MAP2K1: variants seen among roughly 807,000 people sequenced by gnomAD.
The protein encoded by MAP2K1 is mitogen-activated protein kinase kinase 1.
In MAP2K1, 16 loss-of-function variants were observed where a neutral mutation model predicts 46.3. That is an observed-to-expected ratio of 0.35 (90% CI 0.23 to 0.52). The LOEUF (loss-of-function observed/expected upper bound fraction) is 0.52. Ranked by LOEUF, MAP2K1 falls within the 20% of genes least tolerant of loss-of-function variation. MAP2K1 has a pLI of 0.94. For synonymous variants in MAP2K1, 183 were observed against 185.6 expected (o/e 0.99, Z 0.11); for missense variants, 263 against 497.1 (o/e 0.53, Z 4.48).
At chr15:66,415,344 A>C (rs1024881489) in intron 1 of MAP2K1, 1 of 311,746 alleles carries the variant, frequency 3.2e-6, no homozygotes, top group African/African-American at 2.3e-5. Context: ...CCAAAGATTT[A>C]GAGGTTACCT....
At position 66,420,755 on chromosome 15, in the gene MAP2K1, G is replaced by A. The variant is rs868131639; in HGVS notation, c.81-14272G>A. ...TGTGTGTGTGTGTGTGTGTGTGTGT[G>A]TGTGTATGTGTGTATATATATGTGT... On this transcript the variant is annotated intron_variant, in intron 1 of 10. Transcript: ENST00000307102. Among the ~76,000 whole-genome samples, 40 of 35,854 alleles carry A rather than the reference G, an allele frequency of 1.1e-3. 1 individual carries two copies. The highest frequency in any genetic ancestry group is 0.013 in the Middle Eastern group (1 of 78). 23.5% of individuals were successfully genotyped at this position (35,854 alleles called of 152,430 possible).
At chr15:66,480,335 C>T (rs1335646733) in intron 5 of MAP2K1, among the ~76,000 whole-genome samples, 1 of 152,158 alleles carries the variant, frequency 6.6e-6, no homozygotes, top group African/African-American at 2.4e-5. Flanking sequence ...GGTGATCTTC[C>T]TGCCTTGGCC....
chr15:66,453,351 T>C, intron 5 of MAP2K1: 1 of 622,026 alleles, frequency 1.6e-6, no homozygotes. Flanking sequence ...ATGTCTTTGA[T>C]GGAGAGTTTA....
intron 5 of MAP2K1, among the ~76,000 whole-genome samples, chr15:66,462,319 G>A (rs1892342996): frequency 6.6e-6 from 1 of 151,940 alleles, no homozygotes. Context: ...GGCCAACATG[G>A]TGAAACCCCA....
rs1188223126 is a variant in MAP2K1, at chr15:66,407,029, C to T, written c.80+19602C>T. The stretch of plus-strand genomic sequence containing the variant: ...AACAAAACAAAAAAAAAGATTGTGG[C>T]AACAGCTGGAAGGGGTCCCCAGGAG... On this transcript the variant is annotated intron_variant, in intron 1 of 10. Coordinates refer to ENST00000307102, the MANE Select transcript of MAP2K1 (RefSeq NM_002755.4). Among the ~76,000 whole-genome samples the T allele has an allele frequency of 2.0e-5, 3 of 152,096 alleles. No homozygotes were observed. The East Asian group carries it at 5.8e-4, about 29-fold the overall frequency.
intron 5 of MAP2K1, among the ~76,000 whole-genome samples, chr15:66,447,465 C>T (rs1000928598): frequency 2.7e-4 from 41 of 151,638 alleles, no homozygotes; most frequent in Non-Finnish European, 4.3e-4. Flanking sequence ...CCGAGGCGGG[C>T]GGATCACTTG....
intron 3 of MAP2K1, among the ~76,000 whole-genome samples, chr15:66,439,506 C>T (rs1489979536): frequency 6.6e-6 from 1 of 152,186 alleles, no homozygotes; most frequent in Non-Finnish European, 1.5e-5. Flanking sequence ...GTAGCTCACA[C>T]CTGTGATTCC....
chr15:66,488,679 C>T (rs1239141737), intron 8 of MAP2K1: 2 of 188,210 alleles, frequency 1.1e-5, no homozygotes, highest in African/African-American at 4.7e-5. Context: ...GTTTTATTAA[C>T]TTTTCACTGC....
Position 66,420,853 on chromosome 15 carries a change from A to G in MAP2K1, c.81-14174A>G, listed in dbSNP as rs796967352. ...TGTGTATATATATGTGTGTATATAT[A>G]TGTGTGTATATATATGTGTGTATAT... On this transcript the variant is annotated intron_variant, in intron 1 of 10. Transcript: ENST00000307102. Among the ~76,000 whole-genome samples, 491 of 125,942 alleles carry G rather than the reference A, an allele frequency of 3.9e-3. 52 individuals are homozygous for G. The highest frequency in any genetic ancestry group is 0.013 in the African/African-American group (455 of 35,150). The allele number at this position is 125,942 out of a possible 152,430, so 82.6% of individuals were successfully genotyped here.
At chr15:66,423,396 C>CCCAT (rs564703815) in intron 1 of MAP2K1, among the ~76,000 whole-genome samples, 596 of 151,786 alleles carry the variant, frequency 3.9e-3, no homozygotes, top group Non-Finnish European at 7.3e-3. Flanking sequence ...GGTTGTTCCC[C>CCCAT]CCCATCCCAC....
chr15:66,400,680 G>A (rs1026941652), intron 1 of MAP2K1, among the ~76,000 whole-genome samples: 3 of 152,106 alleles, frequency 2.0e-5, no homozygotes, highest in Admixed American at 1.3e-4. Flanking sequence ...CTAAGTTTTC[G>A]TCTTCTCCTC....
chr15:66,415,223 C>T (rs1048789971), intron 1 of MAP2K1: 1 of 454,436 alleles, frequency 2.2e-6, no homozygotes, highest in Admixed American at 2.6e-5. Context: ...TGTCCACTGT[C>T]CCTGTGTCAT....
chr15:66,388,904 C>CTTTTTTTTT (rs72328500), intron 1 of MAP2K1, among the ~76,000 whole-genome samples: 11 of 111,934 alleles, frequency 9.8e-5, no homozygotes, highest in South Asian at 2.9e-4. Context: ...AACATTTGTT[C>CTTTTTTTTT]TTTTTTTTTT....
chr15:66,490,537 A>G lies in MAP2K1; in HGVS notation c.1104A>G (p.Glu368=). 1 of 1,614,112 alleles carries G rather than the reference A, an allele frequency of 6.2e-7. No homozygotes were observed. Among genetic ancestry groups the G allele is most frequent in the Non-Finnish European group, 8.5e-7 (1 of 1,179,958 alleles). Residue 368 remains glutamate, a synonymous_variant, in exon 11 of 11, where the codon GAA becomes GAG. Transcript: ENST00000307102. ...TTATCAAGAGATCTGATGCTGAGGA[A>G]GTGGATTTTGCAGGTTGGCTCTGCT... ...HAFIKRSDAE[E]VDFAGWLCST...
intron 5 of MAP2K1, among the ~76,000 whole-genome samples, chr15:66,473,206 A>AT (rs1892681057): frequency 6.6e-6 from 1 of 152,120 alleles, no homozygotes; most frequent in African/African-American, 2.4e-5. Context: ...TTGGCAAGAG[A>AT]TTTTATCCTC....
intron 5 of MAP2K1, among the ~76,000 whole-genome samples, chr15:66,469,725 T>TCACACAC (rs1892574476): frequency 3.8e-5 from 1 of 26,006 alleles, no homozygotes; most frequent in African/African-American, 9.2e-5. Flanking sequence ...CACACACACA[T>TCACACAC]ATCGGATGTT....
intron 1 of MAP2K1, among the ~76,000 whole-genome samples, chr15:66,425,432 A>G (rs1157005512): frequency 6.6e-6 from 1 of 152,170 alleles, no homozygotes; most frequent in East Asian, 1.9e-4. Flanking sequence ...TGCAAATCAC[A>G]TCTTGGCCGC....
intron 5 of MAP2K1, among the ~76,000 whole-genome samples, chr15:66,452,390 T>G (rs1892054395): frequency 6.6e-6 from 1 of 151,754 alleles, no homozygotes; most frequent in Admixed American, 6.6e-5. Context: ...CAAGAAAGTA[T>G]CAATAAGAGG....
At chr15:66,446,711 C>T (rs1454149593) in intron 5 of MAP2K1, 2 of 369,260 alleles carry the variant, frequency 5.4e-6, no homozygotes, top group East Asian at 7.6e-5. Context: ...GGAAGAACTG[C>T]CTGCTCCCAT....
Sources: allele counts gnomAD v4.1 joint callset (sites outside exome capture counted in the v4.1 genomes callset), GRCh38; gene constraint gnomAD v4.1.1; transcripts MANE v1.5; gene names NCBI Gene and HGNC (gene_info 2026-07-23, HGNC 2026-07-21).